The following LTN1 variants were observed in gnomAD, a reference collection of about 807,000 sequenced individuals.
The protein encoded by LTN1 is listerin E3 ubiquitin protein ligase 1.
Under a neutral mutation model 201.2 loss-of-function variants are expected in LTN1, and 88 were observed. The ratio of observed to expected loss-of-function variants is 0.44; its 90% CI spans 0.37 to 0.52. The LOEUF (loss-of-function observed/expected upper bound fraction) is 0.52, where lower values mean the gene tolerates loss of function less well. Among genes scored for constraint, LTN1 ranks in the 20% least tolerant of loss-of-function variants. The pLI, the probability that LTN1 is intolerant of heterozygous loss-of-function variation, is 0.00. For missense variants in LTN1, 1,752 were observed against 2,038.7 expected, an observed-to-expected ratio of 0.86 and a Z score of 2.71; for synonymous variants, 645 against 713.5, an observed-to-expected ratio of 0.90 and a Z score of 1.53.
intron 6 of LTN1, among the ~76,000 whole-genome samples, chr21:28,975,361 A>C (rs1449000567): frequency 6.6e-6 from 1 of 152,242 alleles, no homozygotes; most frequent in Non-Finnish European, 1.5e-5. Context: ...AAAAGAAGAT[A>C]TACAAATGGC....
intron 1 of LTN1, among the ~76,000 whole-genome samples, chr21:28,988,739 G>T (rs2084721298): frequency 6.6e-6 from 1 of 151,916 alleles, no homozygotes. Context: ...GGCTGAGGAG[G>T]GAGATCACCT....
rs766383830 is a variant in LTN1, at chr21:28,981,262, G to A, written c.667C>T (p.Arg223Trp). 5.1e-6 allele frequency: 8 copies of A among 1,563,828 alleles called. No individual in the cohort carries two copies. Among genetic ancestry groups the A allele is most frequent in the Admixed American group, 2.1e-5 (1 of 47,112 alleles). ...PEEEREAKFY[R>W]VVTCSLLALK... ...GCCAATAAGGAACAAGTTACAACCCGGTAGAATTTAGCTTCTCTTTCTTCC... is the reference window on the plus strand; with the variant it reads ...GCCAATAAGGAACAAGTTACAACCCAGTAGAATTTAGCTTCTCTTTCTTCC... The change falls in exon 6 of 30, where the codon CGG (arginine) becomes TGG (tryptophan). Residue 223 changes from arginine to tryptophan, a missense_variant. Around this residue, in one of 3 missense-constraint regions of LTN1, gnomAD observed 280 missense variants for 375.7 expected, o/e 0.75. Transcript: ENST00000361371.
At chr21:28,941,489 T>C in intron 24 of LTN1, 83 bp from the exon 25 acceptor site, 1 of 1,158,970 alleles carries the variant, frequency 8.6e-7, no homozygotes, top group South Asian at 1.5e-5. Context: ...ACTTCAAGCA[T>C]TTTAGAAAAA....
At position 28,981,154 on chromosome 21, in the gene LTN1, T is replaced by TA. The variant is rs1601001775; in HGVS notation, c.774dup (p.Lys259Ter). The stretch of plus-strand genomic sequence containing the variant: ...CTGTGTTTTCCATACTTCCAAAACT[T>TA]ATTCTGTGATAAAAGAGACTTAAAT... On this transcript the variant is annotated frameshift_variant, in exon 6 of 30. Transcript: ENST00000361371. LOFTEE classifies it high-confidence loss of function. The TA allele has an allele frequency of 6.3e-7, 1 of 1,582,312 alleles. No individual in the cohort carries two copies. Among genetic ancestry groups the TA allele is most frequent in the Middle Eastern group, 1.7e-4 (1 of 5,902 alleles).
At chr21:28,946,444 A>C (rs929976043) in intron 19 of LTN1, among the ~76,000 whole-genome samples, 157 bp from the exon 20 acceptor site, 2 of 152,226 alleles carry the variant, frequency 1.3e-5, no homozygotes, top group Non-Finnish European at 2.9e-5. Flanking sequence ...AAATGAGCTT[A>C]TAAGCTCCAA....
In LTN1 at chr21:28,982,373, A is replaced by G; in HGVS notation, c.577-5T>C. 1 of 1,611,650 alleles carries G rather than the reference A, an allele frequency of 6.2e-7. No individual in the cohort carries two copies. On this transcript the variant is annotated splice_region_variant and splice_polypyrimidine_tract_variant and intron_variant, in intron 4 of 29. Transcript: ENST00000361371. ...TATAAGATGATCCTGCAGCACCTAC[A>G]AAGGGGGGAAATACCAAAGCCTTTG...
In LTN1 at chr21:28,953,391, A is replaced by C; in HGVS notation, c.3080-15T>G. The C allele has an allele frequency of 6.4e-7, 1 of 1,561,996 alleles. No individual in the cohort carries two copies. The highest frequency in any genetic ancestry group is 2.3e-5 in the East Asian group (1 of 43,546). ...CAGTTCTGCAACTAAAAGAAGAGAC[A>C]GCACCAAATTATGAAAAGCACTCTG... On this transcript the variant is annotated splice_polypyrimidine_tract_variant and intron_variant, in intron 16 of 29. Coordinates refer to ENST00000361371, the MANE Select transcript of LTN1 (RefSeq NM_015565.3).
In LTN1 at chr21:28,975,413, G is replaced by C. The variant is rs899554731; in HGVS notation, c.811-3969C>G. On this transcript the variant is annotated intron_variant, in intron 6 of 29. Transcript: ENST00000361371. ...AGATATTCAACATCATTAGTCATCA[G>C]GGAAATGCAAATTAAAACCACAATG... is the stretch of plus-strand genomic sequence containing the variant. 5.9e-5 allele frequency among the ~76,000 whole-genome samples: 9 copies of C among 152,296 alleles called. No homozygotes were observed. The East Asian group carries it at 1.7e-3, about 29-fold the overall frequency.
chr21:28,947,387 G>T, intron 19 of LTN1, 77 bp downstream of exon 19: 1 of 1,165,758 alleles, frequency 8.6e-7, no homozygotes. Context: ...TGCTAGATGT[G>T]GTCTTATATA....
chr21:28,943,305 C>A lies in LTN1; in HGVS notation c.4252G>T (p.Asp1418Tyr). 3 of 1,602,212 alleles carry A rather than the reference C, an allele frequency of 1.9e-6. No homozygotes were observed. Among genetic ancestry groups the A allele is most frequent in the Non-Finnish European group, 2.6e-6 (3 of 1,171,584 alleles). Residue 1418 changes from aspartate to tyrosine, a missense_variant, in exon 24 of 30, where the codon GAT becomes TAT. Around this residue, in one of 3 missense-constraint regions of LTN1, gnomAD observed 1,211 missense variants for 1,312.8 expected, o/e 0.92. Coordinates refer to ENST00000361371, the MANE Select transcript of LTN1 (RefSeq NM_015565.3). Reference sequence around the variant, plus strand: ...TCATCTCCGTATGACTTTAGATTATCCTGATCATACTGTGGTAATTCAGGC... The same window carrying A: ...TCATCTCCGTATGACTTTAGATTATACTGATCATACTGTGGTAATTCAGGC... ...LMPELPQYDQ[D>Y]NLKSYGDEEE...
At chr21:28,955,922 CAAAAAAAA>C in intron 16 of LTN1, among the ~76,000 whole-genome samples, 1 of 69,620 alleles carries the variant, frequency 1.4e-5, no homozygotes, top group South Asian at 5.5e-4. Context: ...GACTCTGTCT[CAAAAAAAA>C]AAAAAAAAAA....
intron 21 of LTN1, among the ~76,000 whole-genome samples, chr21:28,945,513 C>CTTTT (rs2084330311): frequency 6.6e-6 from 1 of 152,160 alleles, no homozygotes; most frequent in Non-Finnish European, 1.5e-5. Flanking sequence ...AAATAATTGT[C>CTTTT]ATTAACAGAT....
chr21:28,964,916 A>C, intron 11 of LTN1: 1 of 989,222 alleles, frequency 1.0e-6, no homozygotes, highest in Non-Finnish European at 1.4e-6. Flanking sequence ...ACTAAGGCAA[A>C]TAGTGTGCCT....
intron 6 of LTN1, among the ~76,000 whole-genome samples, chr21:28,979,117 T>C (rs191076844): frequency 1.3e-5 from 2 of 151,990 alleles, no homozygotes; most frequent in Admixed American, 1.3e-4. Flanking sequence ...TGCCTAGTGA[T>C]GGCTAGAATA....
In LTN1 at chr21:28,930,428, C is replaced by A. The variant is rs1249245888; in HGVS notation, c.*20G>T. 1 of 1,594,058 alleles carries A rather than the reference C, an allele frequency of 6.3e-7. No individual in the cohort carries two copies. Among genetic ancestry groups the A allele is most frequent in the African/African-American group, 1.3e-5 (1 of 74,424 alleles). ...CCTTTGTTTGATGTACTTCAGGGAT[C>A]CCTTCCAGTGAAAAAAATCTCAGAA... On this transcript the variant is annotated 3_prime_UTR_variant, in exon 30 of 30. Transcript: ENST00000361371.
rs557102072 is a variant in LTN1 at position 28,966,596 on chromosome 21, A to G, written c.1895T>C (p.Met632Thr). ...DSFSSSRVFK[M>T]LLGDEKQSIV... ...ACTCTGTTTTTCATCACCAAGTAGC[A>G]TTTTAAATACTCGGCTTGAAGAAAA... Residue 632 changes from methionine (M) to threonine (T), a missense_variant, in exon 10 of 30, where the codon ATG becomes ACG. This residue lies in a region of LTN1 where 1,211 missense variants were observed against 1,312.8 expected (regional missense o/e 0.92). Coordinates refer to ENST00000361371, the MANE Select transcript of LTN1 (RefSeq NM_015565.3). The G allele has an allele frequency of 1.2e-5, 20 of 1,614,128 alleles. No homozygotes were observed. In the East Asian group the frequency reaches 3.6e-4, roughly 29 times the overall value.
At chr21:28,964,885 G>C (rs2084508958) in intron 11 of LTN1, 1 of 1,334,922 alleles carries the variant, frequency 7.5e-7, no homozygotes, top group African/African-American at 1.5e-5. Context: ...CTTGGCTACA[G>C]GGAGAGAAGG....
Position 28,941,206 on chromosome 21 carries a change from A to G in LTN1, c.4482+14T>C. ...TAGGACAGAACTATCGAAAGTTGTCACATATTTATTTACCTGTGATGATGC... is the reference window on the plus strand; with the variant it reads ...TAGGACAGAACTATCGAAAGTTGTCGCATATTTATTTACCTGTGATGATGC... On this transcript the variant is annotated intron_variant, in intron 25 of 29. Coordinates refer to ENST00000361371, the MANE Select transcript of LTN1 (RefSeq NM_015565.3). 1 of 1,595,458 alleles carries G rather than the reference A, an allele frequency of 6.3e-7. No homozygotes were observed. The highest frequency in any genetic ancestry group is 8.6e-7 in the Non-Finnish European group (1 of 1,166,634).
At position 28,964,588 on chromosome 21, in the gene LTN1, G is replaced by A. The variant is rs1386948232; in HGVS notation, c.2163+1277C>T. On this transcript the variant is annotated intron_variant, in intron 11 of 29. Transcript: ENST00000361371. ...GGAACTGAACTTACGATGTCTCTGA[G>A]ATATGCCAGTATGAACATATCTAAT... 3.3e-6 allele frequency: 5 copies of A among 1,538,036 alleles called. No homozygotes were observed. The East Asian group carries it at 7.4e-5, about 23-fold the overall frequency.
Sources: allele counts gnomAD v4.1 joint callset (sites outside exome capture counted in the v4.1 genomes callset), GRCh38; gene constraint gnomAD v4.1.1; regional missense constraint gnomAD v4.1.1; transcripts MANE v1.5; gene names NCBI Gene and HGNC (gene_info 2026-07-23, HGNC 2026-07-21).